Variants in B4GALT5 observed in about 807,000 individuals in gnomAD.
The protein encoded by B4GALT5 is UDP-Gal:beta-GlcNAc beta-1,4-galactosyltransferase 5.
Under a neutral mutation model 45.0 loss-of-function variants are expected in B4GALT5, and 11 were observed. That is an observed-to-expected ratio of 0.24 (90% CI 0.15 to 0.40). The LOEUF (loss-of-function observed/expected upper bound fraction) is 0.40. Ranked by LOEUF, B4GALT5 falls within the 10% of genes least tolerant of loss-of-function variation. The pLI is 1.00. For missense variants in B4GALT5, 337 were observed against 500.2 expected, an observed-to-expected ratio of 0.67 and a Z score of 3.11; for synonymous variants, 185 against 182.9, an observed-to-expected ratio of 1.01 and a Z score of -0.09.
At position 49,651,836 on chromosome 20, in the gene B4GALT5, T is replaced by C. The variant is rs184997957; in HGVS notation, c.250+4732A>G. The stretch of plus-strand genomic sequence containing the variant: ...GCTCATGCCTGTAATCCCAGCACTT[T>C]GGGAGGCCGAGGTGAGCAGATCACT... On this transcript the variant is annotated intron_variant, in intron 2 of 8. Transcript: ENST00000371711. Among the ~76,000 whole-genome samples, 408 of 152,190 alleles carry C rather than the reference T, an allele frequency of 2.7e-3. 2 individuals carry two copies. The highest frequency in any genetic ancestry group is 9.3e-3 in the African/African-American group (385 of 41,530).
chr20:49,713,434 G>A, intron 1 of B4GALT5, 142 bp downstream of exon 1: 1 of 756,162 alleles, frequency 1.3e-6, no homozygotes, highest in Non-Finnish European at 2.0e-6. Flanking sequence ...GCGTCCCCGA[G>A]AGCCGGGCCA....
intron 5 of B4GALT5, among the ~76,000 whole-genome samples, chr20:49,642,015 T>C (rs1465850024): frequency 1.3e-5 from 2 of 152,066 alleles, no homozygotes; most frequent in Non-Finnish European, 2.9e-5. Context: ...TCCCTACCAA[T>C]ATTTTTAAGA....
intron 5 of B4GALT5, 107 bp from the exon 6 acceptor site, chr20:49,640,772 G>A: frequency 8.5e-7 from 1 of 1,181,422 alleles, no homozygotes; most frequent in South Asian, 1.7e-5. Flanking sequence ...AAAGATCACT[G>A]GGCTAGTGTA....
rs2085644660 is a variant in B4GALT5 at position 49,656,686 on chromosome 20, G to A, written c.132C>T (p.Phe44=). Residue 44 remains phenylalanine (F), a synonymous_variant, in exon 2 of 9, where the codon TTC becomes TTT. Transcript: ENST00000371711. ...VAPGIVNTYL[F]MMQAQGILIR... ...TCAGAATGCCTTGGGCTTGCATCAT[G>A]AAGAGGTAGGTGTTCACTGCAGAAA... 2 of 1,614,138 alleles carry A rather than the reference G, an allele frequency of 1.2e-6. No homozygotes were observed. Among genetic ancestry groups the A allele is most frequent in the South Asian group, 2.2e-5 (2 of 91,084 alleles).
At chr20:49,637,260 AGG>A in intron 8 of B4GALT5, 79 bp downstream of exon 8, 1 of 1,255,566 alleles carries the variant, frequency 8.0e-7, no homozygotes, top group East Asian at 2.3e-5. Flanking sequence ...GAGTAGGAGA[AGG>A]GGCTGTAATA....
chr20:49,679,473 C>T (rs1051668377), intron 1 of B4GALT5, among the ~76,000 whole-genome samples: 1 of 151,542 alleles, frequency 6.6e-6, no homozygotes, highest in Admixed American at 6.6e-5. Context: ...TCGAGACCAG[C>T]CTGGCTAACA....
intron 1 of B4GALT5, among the ~76,000 whole-genome samples, chr20:49,711,295 A>G (rs942344006): frequency 6.6e-5 from 10 of 152,214 alleles, no homozygotes; most frequent in Admixed American, 2.0e-4. Flanking sequence ...GCATGGCAGT[A>G]GCACATCGCT....
At chr20:49,686,244 T>C (rs566356887) in intron 1 of B4GALT5, among the ~76,000 whole-genome samples, 64 of 152,326 alleles carry the variant, frequency 4.2e-4, no homozygotes, top group African/African-American at 1.4e-3. Context: ...TCTGATCTCT[T>C]TATGTCTTTC....
chr20:49,687,885 A>C (rs938767655), intron 1 of B4GALT5, among the ~76,000 whole-genome samples: 1 of 152,052 alleles, frequency 6.6e-6, no homozygotes, highest in Non-Finnish European at 1.5e-5. Context: ...AAATTAAAAA[A>C]AAAAAAATTT....
intron 1 of B4GALT5, among the ~76,000 whole-genome samples, chr20:49,673,793 T>C (rs2085725686): frequency 1.3e-5 from 2 of 152,290 alleles, no homozygotes; most frequent in East Asian, 1.9e-4. Context: ...TGGATAATTA[T>C]CAACAATTTA....
At position 49,636,240 on chromosome 20, in the gene B4GALT5, C is replaced by A. The variant is rs572553139; in HGVS notation, c.*72G>T. On this transcript the variant is annotated 3_prime_UTR_variant, in exon 9 of 9. Transcript: ENST00000371711. Reference sequence around the variant, plus strand: ...GTTCTCTTGCTGTGTAGACCCTCCCCCCTCCAAAAAAAAATCTCATCGGAC... The same window carrying A: ...GTTCTCTTGCTGTGTAGACCCTCCCACCTCCAAAAAAAAATCTCATCGGAC... The A allele has an allele frequency of 1.9e-6, 3 of 1,561,086 alleles. No individual in the cohort carries two copies. The highest frequency in any genetic ancestry group is 1.7e-6 in the Non-Finnish European group (2 of 1,142,948).
chr20:49,683,443 G>A (rs1005217733), intron 1 of B4GALT5, among the ~76,000 whole-genome samples: 52 of 144,820 alleles, frequency 3.6e-4, no homozygotes, highest in Admixed American at 3.0e-3. Context: ...GCCCAGGCTG[G>A]AGTGCAATGG....
intron 2 of B4GALT5, among the ~76,000 whole-genome samples, chr20:49,651,309 C>T (rs1458191229): frequency 6.6e-6 from 1 of 150,420 alleles, no homozygotes; most frequent in Non-Finnish European, 1.5e-5. Flanking sequence ...GGAAAACAGG[C>T]CAGGCACAGT....
intron 3 of B4GALT5, 95 bp downstream of exon 3, chr20:49,646,870 T>G: frequency 1.4e-6 from 1 of 739,814 alleles, no homozygotes; most frequent in Non-Finnish European, 2.2e-6. Flanking sequence ...CAGGGAGGTA[T>G]TTATATTCTC....
At chr20:49,700,870 A>G (rs114078136) in intron 1 of B4GALT5, among the ~76,000 whole-genome samples, 3,797 of 152,280 alleles carry the variant, frequency 0.025, 173 homozygotes, top group African/African-American at 0.088. Flanking sequence ...TCCATTTAAT[A>G]TTTTCAGAAC....
chr20:49,696,458 A>T (rs2085839984), intron 1 of B4GALT5, among the ~76,000 whole-genome samples: 1 of 152,244 alleles, frequency 6.6e-6, no homozygotes, highest in South Asian at 2.1e-4. Flanking sequence ...GACAGCAGGT[A>T]TGTTTTCTTT....
chr20:49,657,018 G>A (rs1196542361), intron 1 of B4GALT5, among the ~76,000 whole-genome samples: 1 of 151,964 alleles, frequency 6.6e-6, no homozygotes, highest in Non-Finnish European at 1.5e-5. Flanking sequence ...TCAGAAGAAA[G>A]ACCTTTATGA....
chr20:49,711,314 G>A (rs2085910605), intron 1 of B4GALT5, among the ~76,000 whole-genome samples: 1 of 152,040 alleles, frequency 6.6e-6, no homozygotes, highest in African/African-American at 2.4e-5. Context: ...CTTTACACAG[G>A]GGTTCCACTG....
chr20:49,644,063 G>A (rs920234524), intron 3 of B4GALT5, among the ~76,000 whole-genome samples: 2 of 150,966 alleles, frequency 1.3e-5, no homozygotes, highest in Non-Finnish European at 2.9e-5. Context: ...GAGTAGCTGC[G>A]GTTACAGGCA....
Sources: gnomAD v4.1 joint callset for allele counts (sites outside exome capture counted in the v4.1 genomes callset) on GRCh38, gnomAD v4.1.1 for gene constraint, MANE v1.5 for transcripts, NCBI Gene and HGNC (gene_info 2026-07-23, HGNC 2026-07-21) for gene names.